Variants in FRMPD4 observed in about 807,000 individuals in gnomAD.
FRMPD4 encodes the protein FERM and PDZ domain-containing protein 4.
A neutral mutation model predicts 94.1 loss-of-function variants in FRMPD4; 22 were observed. The ratio of observed to expected loss-of-function variants is 0.23; its 90% CI spans 0.17 to 0.33. The LOEUF is 0.33. FRMPD4 is among the 10% of genes least tolerant of loss of function. The probability of loss-of-function intolerance (pLI) is 1.00; values close to 1 mark genes in which losing one functional copy is unlikely to be tolerated. For synonymous variants in FRMPD4, 631 were observed against 548.6 expected (o/e 1.15, Z -2.10); for missense variants, 1,111 against 1,339.9 (o/e 0.83, Z 2.67).
At chrX:12,411,718 C>T (rs76486494) in intron 1 of FRMPD4, among the ~76,000 whole-genome samples, 13,640 of 111,450 alleles carry the variant, frequency 0.12, 664 homozygotes, top group Middle Eastern at 0.17. Context: ...ATAGTCCATC[C>T]GAGACCTGAG....
intron 1 of FRMPD4, among the ~76,000 whole-genome samples, chrX:11,824,298 G>A (rs907352641): frequency 8.9e-6 from 1 of 111,797 alleles, no homozygotes; most frequent in Non-Finnish European, 1.9e-5. Context: ...GTTGGATATA[G>A]AAATCTGGAA....
chrX:12,498,861 TGAGA>T, intron 2 of FRMPD4, 65 bp downstream of exon 2: 1 of 619,582 alleles, frequency 1.6e-6, no homozygotes, highest in Non-Finnish European at 2.6e-6. Context: ...TCTTTGTTTA[TGAGA>T]ATGAACATAC....
chrX:12,446,501 G>T (rs1284798271), intron 1 of FRMPD4, among the ~76,000 whole-genome samples: 1 of 112,106 alleles, frequency 8.9e-6, no homozygotes, highest in African/African-American at 3.2e-5. Flanking sequence ...CTCTCATCTT[G>T]AATTGTAGCA....
intron 3 of FRMPD4, among the ~76,000 whole-genome samples, chrX:12,033,830 T>G (rs1444559228): frequency 8.9e-6 from 1 of 112,138 alleles, no homozygotes; most frequent in Non-Finnish European, 1.9e-5. Flanking sequence ...CCCGAGTAGC[T>G]GGGATTACAG....
At chrX:12,020,138 G>C (rs1010704443) in intron 3 of FRMPD4, among the ~76,000 whole-genome samples, 8 of 111,367 alleles carry the variant, frequency 7.2e-5, no homozygotes, top group African/African-American at 2.6e-4. Flanking sequence ...ACTCTCTCTT[G>C]GGTTATGAAT....
chrX:12,366,182 A>T (rs1019753070), intron 1 of FRMPD4, among the ~76,000 whole-genome samples: 1 of 112,195 alleles, frequency 8.9e-6, no homozygotes, highest in African/African-American at 3.2e-5. Flanking sequence ...TGCCAGGCCA[A>T]GAAAGTGCGA....
intron 3 of FRMPD4, among the ~76,000 whole-genome samples, chrX:11,918,519 G>C (rs1480619932): frequency 8.9e-6 from 1 of 112,499 alleles, no homozygotes; most frequent in African/African-American, 3.2e-5. Context: ...TGGGAGAATC[G>C]CTTGAAACTG....
At chrX:12,705,296 A>G (rs1350145444) in intron 11 of FRMPD4, among the ~76,000 whole-genome samples, 4 of 112,108 alleles carry the variant, frequency 3.6e-5, no homozygotes, top group Non-Finnish European at 7.5e-5. Context: ...AATAAAAAGC[A>G]AAGGATTCCA....
At chrX:12,390,051 G>T (rs1201242672) in intron 1 of FRMPD4, among the ~76,000 whole-genome samples, 4 of 112,173 alleles carry the variant, frequency 3.6e-5, no homozygotes, top group Non-Finnish European at 3.8e-5. Context: ...AACTTTGCTT[G>T]TTGTAGTTTC....
intron 1 of FRMPD4, among the ~76,000 whole-genome samples, chrX:12,209,704 G>A (rs1431465940): frequency 1.8e-5 from 2 of 112,057 alleles, no homozygotes; most frequent in Non-Finnish European, 3.8e-5. Context: ...GCACACGTTA[G>A]TACTTTTCTG....
At chrX:12,355,813 C>T (rs1458027752) in intron 1 of FRMPD4, among the ~76,000 whole-genome samples, 1 of 111,590 alleles carries the variant, frequency 9.0e-6, no homozygotes, top group Admixed American at 9.5e-5. Flanking sequence ...TCTCCTTCAC[C>T]CTCTGAAGAT....
chrX:12,484,893 T>G (rs541156434), intron 1 of FRMPD4, among the ~76,000 whole-genome samples: 1 of 112,392 alleles, frequency 8.9e-6, no homozygotes, highest in South Asian at 3.7e-4. Context: ...TTGACTGTAA[T>G]ATAAGATGCA....
intron 3 of FRMPD4, among the ~76,000 whole-genome samples, chrX:11,887,367 G>C (rs1158239733): frequency 9.0e-6 from 1 of 110,958 alleles, no homozygotes; most frequent in Non-Finnish European, 1.9e-5. Context: ...CAACCTGCAG[G>C]CACCACACCC....
In FRMPD4 at chrX:12,679,895, T is replaced by G. The variant is rs549587519; in HGVS notation, c.469-3588T>G. Among the ~76,000 whole-genome samples the G allele has an allele frequency of 3.1e-4, 35 of 111,528 alleles. No individual in the cohort carries two copies. In the Middle Eastern group the frequency reaches 0.014, roughly 44 times the overall value. ...CCCACTCACCTACCTGGGATTCCTG[T>G]GAGCACCTCCCAAATCAGCTACCTG... On this transcript the variant is annotated intron_variant, in intron 5 of 16. Coordinates refer to ENST00000675598, the MANE Select transcript of FRMPD4 (RefSeq NM_001368397.1).
intron 1 of FRMPD4, among the ~76,000 whole-genome samples, chrX:12,457,718 C>A (rs2057348987): frequency 8.9e-6 from 1 of 111,901 alleles, no homozygotes; most frequent in African/African-American, 3.2e-5. Context: ...CGTTAAAGAA[C>A]CCAGCAAAAT....
chrX:12,489,107 A>G (rs2057767396), intron 1 of FRMPD4, among the ~76,000 whole-genome samples: 1 of 111,955 alleles, frequency 8.9e-6, no homozygotes, highest in Admixed American at 9.5e-5. Flanking sequence ...CCTACTATCA[A>G]TGGTAGACTT....
At chrX:11,985,257 C>T (rs2054422403) in intron 3 of FRMPD4, among the ~76,000 whole-genome samples, 2 of 111,826 alleles carry the variant, frequency 1.8e-5, no homozygotes, top group South Asian at 7.6e-4. Context: ...GCCCCCATTC[C>T]AGGCCCTAGT....
chrX:12,053,387 A>G (rs1161051409), intron 3 of FRMPD4, among the ~76,000 whole-genome samples: 5 of 99,313 alleles, frequency 5.0e-5, no homozygotes, highest in African/African-American at 1.5e-4. Flanking sequence ...AGAAAGAAAG[A>G]AAGAAAGAAA....
intron 4 of FRMPD4, among the ~76,000 whole-genome samples, chrX:12,652,022 C>G (rs2059599750): frequency 8.9e-6 from 1 of 112,530 alleles, no homozygotes; most frequent in Non-Finnish European, 1.9e-5. Context: ...CTTTAGTTAT[C>G]TCACATTTCC....
Sources: allele counts gnomAD v4.1 joint callset (sites outside exome capture counted in the v4.1 genomes callset), GRCh38; gene constraint gnomAD v4.1.1; transcripts MANE v1.5; gene names NCBI Gene and HGNC (gene_info 2026-07-23, HGNC 2026-07-21).